SNX10: variants seen among roughly 807,000 people sequenced by gnomAD.
The protein encoded by SNX10 is sorting nexin 10.
SNX10 carries 25 observed loss-of-function variants against 28.5 expected under a neutral mutation model. The observed-to-expected ratio is 0.88, with a 90% confidence interval of 0.64 to 1.22. The LOEUF (loss-of-function observed/expected upper bound fraction) is 1.22. Among genes scored for constraint, SNX10 ranks in the 50% most tolerant of loss-of-function variants. The pLI, the probability that SNX10 is intolerant of heterozygous loss-of-function variation, is 0.00. For synonymous variants in SNX10, 62 were observed against 81.4 expected (o/e 0.76, Z 1.28); for missense variants, 223 against 242.6 (o/e 0.92, Z 0.54).
chr7:26,369,034 A>AG (rs1789402632), intron 5 of SNX10, among the ~76,000 whole-genome samples: 1 of 152,174 alleles, frequency 6.6e-6, no homozygotes, highest in Admixed American at 6.5e-5. Context: ...TGTCCAGTTT[A>AG]GGGAAAAAAA....
chr7:26,305,157 G>T (rs1228292344), intron 1 of SNX10, among the ~76,000 whole-genome samples: 3 of 152,102 alleles, frequency 2.0e-5, no homozygotes, highest in African/African-American at 7.2e-5. Context: ...TCCTGATCTT[G>T]CATAGTCTCC....
chr7:26,364,527 C>T lies in SNX10; in HGVS notation c.112-8C>T. 10 of 1,605,216 alleles carry T rather than the reference C, an allele frequency of 6.2e-6. No homozygotes were observed. Among genetic ancestry groups the T allele is most frequent in the African/African-American group, 1.3e-5 (1 of 74,488 alleles). The stretch of plus-strand genomic sequence containing the variant: ...GGTAAGACTCATTTTTCTACTTTCT[C>T]TGTACAGACTAATAGCATGTGTTTT... On this transcript the variant is annotated splice_polypyrimidine_tract_variant and splice_region_variant and intron_variant, in intron 3 of 6. Transcript: ENST00000338523. This position sits in a 1 kb window ranked among gnomAD's most constrained non-coding sequence, Gnocchi z 4.9.
chr7:26,305,407 C>T (rs1327133943), intron 1 of SNX10, among the ~76,000 whole-genome samples: 8 of 152,186 alleles, frequency 5.3e-5, no homozygotes, highest in South Asian at 2.1e-4. Context: ...AATTATCTTC[C>T]CCTTTCTCAC....
In SNX10 at chr7:26,373,026, G is replaced by C. The variant is rs1456672456; in HGVS notation, c.*454G>C. 1.3e-5 allele frequency: 2 copies of C among 153,308 alleles called. No individual in the cohort carries two copies. The highest frequency in any genetic ancestry group is 6.5e-5 in the Admixed American group (1 of 15,416). The allele number at this position is 153,308 out of a possible 1,614,324, so 9.5% of individuals were successfully genotyped here. ...AGTGTAGACCAGACTGCCTCTCTCA[G>C]ATATGTGCCTGATATTTTGTGGATA... is the stretch of plus-strand genomic sequence containing the variant. On this transcript the variant is annotated 3_prime_UTR_variant, in exon 7 of 7. Transcript: ENST00000338523. This position sits in a 1 kb window ranked among gnomAD's most constrained non-coding sequence, Gnocchi z 4.2.
chr7:26,361,028 G>T lies in SNX10; in HGVS notation c.78G>T (p.Trp26Cys). 1 of 1,608,334 alleles carries T rather than the reference G, an allele frequency of 6.2e-7. No homozygotes were observed. ...CTAGGATTCAGAAGGAGGACTTCTG[G>T]CATTCTTACATTGACTATGAGATAT... Reference protein sequence around the residue: ...RDPRIQKEDFWHSYIDYEICI... With the variant: ...RDPRIQKEDFCHSYIDYEICI... Residue 26 changes from tryptophan (W) to cysteine (C), a missense_variant, in exon 3 of 7, where the codon TGG becomes TGT. Coordinates refer to ENST00000338523, the MANE Select transcript of SNX10 (RefSeq NM_013322.3).
chr7:26,296,851 T>G (rs550337527), intron 1 of SNX10, among the ~76,000 whole-genome samples: 63 of 152,100 alleles, frequency 4.1e-4, no homozygotes, highest in African/African-American at 1.3e-3. Context: ...CTAAAAAAAA[T>G]TTTAGAAAGT....
chr7:26,306,895 A>G (rs1786618279), intron 1 of SNX10, among the ~76,000 whole-genome samples: 1 of 152,210 alleles, frequency 6.6e-6, no homozygotes, highest in African/African-American at 2.4e-5. Context: ...ATCTCCTCTT[A>G]CAGATGAGAA....
chr7:26,354,112 A>C (rs1276543435), intron 2 of SNX10: 1 of 152,238 alleles, frequency 6.6e-6, no homozygotes, highest in African/African-American at 2.4e-5. Context: ...CTATGATGGA[A>C]AATTTTAAAA....
At chr7:26,343,973 A>G (rs1302043406) in intron 1 of SNX10, among the ~76,000 whole-genome samples, 1 of 152,084 alleles carries the variant, frequency 6.6e-6, no homozygotes, top group Non-Finnish European at 1.5e-5. Flanking sequence ...TTTAAATGGT[A>G]AAAAACACAC....
At chr7:26,333,566 C>T (rs186751267) in intron 1 of SNX10, among the ~76,000 whole-genome samples, 20 of 151,622 alleles carry the variant, frequency 1.3e-4, no homozygotes, top group African/African-American at 2.2e-4. Context: ...CCTCATGATC[C>T]GCCCGTCTCG....
intron 2 of SNX10, among the ~76,000 whole-genome samples, chr7:26,350,719 A>C (rs756174302): frequency 7.6e-5 from 8 of 105,792 alleles, no homozygotes; most frequent in Admixed American, 4.7e-4. Flanking sequence ...TCTCTGTTAT[A>C]CTCAGTTATT....
At chr7:26,312,897 G>T (rs1437746886) in intron 1 of SNX10, among the ~76,000 whole-genome samples, 2 of 152,088 alleles carry the variant, frequency 1.3e-5, no homozygotes, top group Admixed American at 6.6e-5. Context: ...GCCTATCTAG[G>T]ATTGACAAAG....
chr7:26,373,207 T>C lies in SNX10; in HGVS notation c.*635T>C, dbSNP rs1386794432. 2 of 152,050 alleles carry C rather than the reference T, an allele frequency of 1.3e-5. No individual in the cohort carries two copies. Among genetic ancestry groups the C allele is most frequent in the East Asian group, 1.9e-4 (1 of 5,206 alleles). The allele number at this position is 152,050 out of a possible 1,614,324, so 9.4% of individuals were successfully genotyped here. On this transcript the variant is annotated 3_prime_UTR_variant, in exon 7 of 7. Coordinates refer to ENST00000338523, the MANE Select transcript of SNX10 (RefSeq NM_013322.3). The surrounding 1 kb of genome is among the most constrained non-coding windows in gnomAD (Gnocchi z 4.2). ...TAATGTTTACATCTTAGAAAAAACA[T>C]AGATAGTGCTAGTAATATTACTTAT...
rs376338490 is a variant in SNX10, at chr7:26,315,840, T to G, written c.-24+23754T>G. Among the ~76,000 whole-genome samples the G allele has an allele frequency of 1.2e-4, 19 of 152,282 alleles. 1 individual carries two copies. Among genetic ancestry groups the G allele is most frequent in the East Asian group, 1.2e-3 (6 of 5,188 alleles). ...ACAAATTTGAGATTTTATATTTTTA[T>G]CAAATTTGTATTTAGAAGGTATCTT... On this transcript the variant is annotated intron_variant, in intron 1 of 6. Transcript: ENST00000338523.
chr7:26,356,953 T>G (rs944094720), intron 2 of SNX10: 1 of 505,484 alleles, frequency 2.0e-6, no homozygotes, highest in African/African-American at 2.0e-5. Flanking sequence ...GAGGTTTTAA[T>G]TTCAAGTGAA....
intron 2 of SNX10, chr7:26,357,143 C>A: frequency 1.7e-6 from 1 of 589,614 alleles, no homozygotes; most frequent in South Asian, 2.4e-5. Flanking sequence ...TACAATACAG[C>A]ACAGTAGGAT....
Position 26,367,246 on chromosome 7 carries a change from G to A in SNX10, c.311+2101G>A, listed in dbSNP as rs1031511343. 4.6e-5 allele frequency among the ~76,000 whole-genome samples: 7 copies of A among 152,182 alleles called. No homozygotes were observed. In the South Asian group the frequency reaches 1.2e-3, roughly 27 times the overall value. On this transcript the variant is annotated intron_variant, in intron 5 of 6. Coordinates refer to ENST00000338523, the MANE Select transcript of SNX10 (RefSeq NM_013322.3). Reference sequence around the variant, plus strand: ...AAGTGAATGCTTTGGGCCAGGCTGCGTGCCACGGACATAGGACTGCACAGA... The same window carrying A: ...AAGTGAATGCTTTGGGCCAGGCTGCATGCCACGGACATAGGACTGCACAGA...
rs554085398 is a variant in SNX10 at position 26,316,195 on chromosome 7, A to C, written c.-24+24109A>C. ...CGAGACTGTCTCAAAAAAAAAAAAAAAACAAAAAACCTAGAGTAAAAAAAA... is the reference window on the plus strand; with the variant it reads ...CGAGACTGTCTCAAAAAAAAAAAAACAACAAAAAACCTAGAGTAAAAAAAA... On this transcript the variant is annotated intron_variant, in intron 1 of 6. Coordinates refer to ENST00000338523, the MANE Select transcript of SNX10 (RefSeq NM_013322.3). Among the ~76,000 whole-genome samples, 74 of 152,044 alleles carry C rather than the reference A, an allele frequency of 4.9e-4. 1 individual carries two copies. The South Asian group carries it at 0.014, about 29-fold the overall frequency.
Position 26,340,517 on chromosome 7 carries a change from T to C in SNX10, c.-23-5903T>C, listed in dbSNP as rs77897881. Among the ~76,000 whole-genome samples, 970 of 152,358 alleles carry C rather than the reference T, an allele frequency of 6.4e-3. 9 individuals carry two copies. Among genetic ancestry groups the C allele is most frequent in the African/African-American group, 0.022 (913 of 41,574 alleles). On this transcript the variant is annotated intron_variant, in intron 1 of 6. Transcript: ENST00000338523. ...TATTTTGCATTTTATAGAAAAAGTA[T>C]TCCAAGGTAGAAAATAGAGGAAGCT...
Sources: allele counts gnomAD v4.1 joint callset (sites outside exome capture counted in the v4.1 genomes callset), GRCh38; gene constraint gnomAD v4.1.1; non-coding constraint Gnocchi (gnomAD v3.1); transcripts MANE v1.5; gene names NCBI Gene and HGNC (gene_info 2026-07-23, HGNC 2026-07-21).